Variants in ADAM28 observed in about 807,000 individuals in gnomAD.
ADAM28 encodes the protein ADAM metallopeptidase domain 28, also known as disintegrin and metalloproteinase domain-containing protein 28.
In ADAM28, 105 loss-of-function variants were observed where a neutral mutation model predicts 101.2. The ratio of observed to expected loss-of-function variants is 1.04; its 90% CI spans 0.89 to 1.22. ADAM28 has a LOEUF of 1.22. ADAM28 is among the 50% of genes most tolerant of loss of function. ADAM28 has a pLI of 0.00. For synonymous variants in ADAM28, 322 were observed against 310.6 expected (o/e 1.04, Z -0.39); for missense variants, 1,028 against 945.4 (o/e 1.09, Z -1.15).
At chr8:24,342,789 GT>G (rs1429769022) in intron 16 of ADAM28, among the ~76,000 whole-genome samples, 1 of 152,096 alleles carries the variant, frequency 6.6e-6, no homozygotes, top group African/African-American at 2.4e-5. Context: ...ATGTTTCTGG[GT>G]CCCCTGGCAT....
chr8:24,319,441 T>C (rs1330252036), intron 6 of ADAM28, among the ~76,000 whole-genome samples: 1 of 151,990 alleles, frequency 6.6e-6, no homozygotes, highest in Non-Finnish European at 1.5e-5. Flanking sequence ...GCACTCTCAG[T>C]GTATTGTAAG....
chr8:24,337,795 A>G (rs752151017), intron 14 of ADAM28, among the ~76,000 whole-genome samples: 1 of 152,216 alleles, frequency 6.6e-6, no homozygotes, highest in African/African-American at 2.4e-5. Flanking sequence ...TTTTGGCATC[A>G]AATCATTCCC....
intron 7 of ADAM28, 73 bp from the exon 8 acceptor site, chr8:24,321,145 A>G (rs1431081133): frequency 1.2e-6 from 1 of 836,242 alleles, no homozygotes; most frequent in East Asian, 2.5e-5. Flanking sequence ...AATATAAGAG[A>G]AGATGCCTTT....
chr8:24,324,012 A>T lies in ADAM28; in HGVS notation c.890+9A>T. ...ATTGCTCAGTTAATCACGTATGTAC[A>T]GATTTTCTCCCATTGCACACTATGT... On this transcript the variant is annotated intron_variant, in intron 9 of 22. Transcript: ENST00000265769. 6.2e-7 allele frequency: 1 copy of T among 1,609,842 alleles called. No homozygotes were observed. The highest frequency in any genetic ancestry group is 8.5e-7 in the Non-Finnish European group (1 of 1,177,516).
At chr8:24,319,068 C>T (rs183360745) in intron 6 of ADAM28, among the ~76,000 whole-genome samples, 146 of 152,052 alleles carry the variant, frequency 9.6e-4, no homozygotes, top group African/African-American at 3.2e-3. Context: ...CTTTACTCCC[C>T]GTCTCTTGGT....
chr8:24,338,657 G>C (rs552203370), intron 14 of ADAM28, among the ~76,000 whole-genome samples: 1 of 152,140 alleles, frequency 6.6e-6, no homozygotes, highest in Non-Finnish European at 1.5e-5. Context: ...AAACAATGCC[G>C]TATCTTCATA....
chr8:24,342,818 T>G (rs1403575389), intron 16 of ADAM28: 1 of 360,196 alleles, frequency 2.8e-6, no homozygotes, highest in Non-Finnish European at 5.0e-6. Context: ...ATCTCATTAT[T>G]GCTTATCCCT....
intron 19 of ADAM28, 122 bp downstream of exon 19, chr8:24,350,094 T>C (rs766335062): frequency 7.6e-6 from 6 of 789,894 alleles, no homozygotes; most frequent in Non-Finnish European, 9.4e-6. Context: ...CAGAAATACA[T>C]GCAGATGGTC....
chr8:24,356,660 T>C lies in ADAM28; in HGVS notation c.*2256T>C, dbSNP rs1233579670. 6.6e-6 allele frequency: 1 copy of C among 152,198 alleles called. No individual in the cohort carries two copies. Among genetic ancestry groups the C allele is most frequent in the Non-Finnish European group, 1.5e-5 (1 of 68,032 alleles). 9.4% of individuals were successfully genotyped at this position (152,198 alleles called of 1,614,324 possible). A position where few individuals can be genotyped will look rare whatever the true frequency, so the allele number is the denominator to read the frequency against. On this transcript the variant is annotated 3_prime_UTR_variant, in exon 23 of 23. Transcript: ENST00000265769. ...CTGTTTCCACACTTACTTATATCCG[T>C]AACTTTCTAACTTTAAGGGAATTCC...
chr8:24,330,422 A>C (rs1026817929), intron 11 of ADAM28, among the ~76,000 whole-genome samples: 1 of 152,306 alleles, frequency 6.6e-6, no homozygotes, highest in Admixed American at 6.5e-5. Flanking sequence ...TGGTGGTCAG[A>C]AAAGAGTTCT....
intron 6 of ADAM28, among the ~76,000 whole-genome samples, chr8:24,316,039 A>T (rs1044837730): frequency 6.6e-6 from 1 of 151,724 alleles, no homozygotes; most frequent in East Asian, 1.9e-4. Flanking sequence ...ATAGAAGAAA[A>T]GTTCCTCAAC....
At chr8:24,352,107 G>C in intron 21 of ADAM28, 55 bp downstream of exon 21, 1 of 1,485,502 alleles carries the variant, frequency 6.7e-7, no homozygotes, top group South Asian at 1.1e-5. Flanking sequence ...AGGAAATATC[G>C]GTGAAAGTCA....
At position 24,301,631 on chromosome 8, in the gene ADAM28, C is replaced by T. The variant is rs571456089; in HGVS notation, c.150+1554C>T. On this transcript the variant is annotated intron_variant, in intron 2 of 22. Coordinates refer to ENST00000265769, the MANE Select transcript of ADAM28 (RefSeq NM_014265.6). ...CCTGCCTAGGAGCACATAGCTTATA[C>T]GTTTTCTAGCTAGGATTCAAACCTC... Among the ~76,000 whole-genome samples, 21 of 152,238 alleles carry T rather than the reference C, an allele frequency of 1.4e-4. No individual in the cohort carries two copies. In the South Asian group the frequency reaches 1.7e-3, roughly 12 times the overall value.
chr8:24,344,242 G>C (rs529364848), intron 18 of ADAM28, among the ~76,000 whole-genome samples: 10 of 150,022 alleles, frequency 6.7e-5, no homozygotes, highest in Admixed American at 6.0e-4. Flanking sequence ...CAGTTGTTAC[G>C]AGGAACATTT....
intron 10 of ADAM28, 149 bp from the exon 11 acceptor site, chr8:24,329,836 T>C (rs1477522486): frequency 2.5e-6 from 2 of 793,890 alleles, no homozygotes; most frequent in Non-Finnish European, 3.9e-6. Flanking sequence ...TAGTACTCTC[T>C]CTCTCTTGCT....
intron 21 of ADAM28, among the ~76,000 whole-genome samples, chr8:24,352,465 C>T (rs933217823): frequency 5.3e-5 from 8 of 152,128 alleles, no homozygotes; most frequent in Non-Finnish European, 1.0e-4. Context: ...TTTATTGTAT[C>T]CTCACATAGC....
chr8:24,341,611 G>A lies in ADAM28; in HGVS notation c.1684G>A (p.Gly562Arg), dbSNP rs1390033850. The change falls in exon 16 of 23, where the codon GGG (glycine) becomes AGG (arginine). Residue 562 changes from glycine (G) to arginine (R), a missense_variant. Physicochemically the swap from Gly to Arg is moderately radical, Grantham distance 125. Transcript: ENST00000265769. ...IPCKANDTMC[G>R]KLFCQGGSDN... ...CTTTTTCCTCAGTGATACCATGTGT[G>A]GGAAGTTGTTCTGTCAAGGTGGGTC... 6.2e-7 allele frequency: 1 copy of A among 1,613,156 alleles called. No homozygotes were observed. The highest frequency in any genetic ancestry group is 1.7e-4 in the Middle Eastern group (1 of 6,052).
intron 12 of ADAM28, among the ~76,000 whole-genome samples, 164 bp downstream of exon 12, chr8:24,331,491 C>T (rs1057110670): frequency 6.6e-6 from 1 of 152,004 alleles, no homozygotes; most frequent in Admixed American, 6.6e-5. Context: ...GACAAGGAAC[C>T]CTGCACTTCT....
In ADAM28 at chr8:24,330,170, G is replaced by A. The variant is rs549833022; in HGVS notation, c.1103+55G>A. The A allele has an allele frequency of 2.5e-6, 4 of 1,570,800 alleles. No homozygotes were observed. In the South Asian group the frequency reaches 4.7e-5, roughly 18 times the overall value. On this transcript the variant is annotated intron_variant, in intron 11 of 22. Transcript: ENST00000265769. ...TATGTAGCCCTGGTTTTGATCCACT[G>A]TGGGCTGTACTACTTTAGGTCATCT... is the stretch of plus-strand genomic sequence containing the variant.
Sources: gnomAD v4.1 joint callset for allele counts (sites outside exome capture counted in the v4.1 genomes callset) on GRCh38, gnomAD v4.1.1 for gene constraint, MANE v1.5 for transcripts, NCBI Gene and HGNC (gene_info 2026-07-23, HGNC 2026-07-21) for gene names.